SPATS2: variants seen among roughly 807,000 people sequenced by gnomAD.
The protein encoded by SPATS2 is spermatogenesis-associated serine-rich protein 2.
A neutral mutation model predicts 63.7 loss-of-function variants in SPATS2; 38 were observed. The ratio of observed to expected loss-of-function variants is 0.60; its 90% CI spans 0.46 to 0.78. SPATS2 has a LOEUF of 0.78. Ranked by LOEUF, SPATS2 falls within the 30% of genes least tolerant of loss-of-function variation. The pLI is 0.00. For synonymous variants in SPATS2, 207 were observed against 232.9 expected (o/e 0.89, Z 1.01); for missense variants, 588 against 666.2 (o/e 0.88, Z 1.29).
In SPATS2 at chr12:49,461,050, G is replaced by A. The variant is rs760805188; in HGVS notation, c.25+13G>A. 8.1e-6 allele frequency: 13 copies of A among 1,613,452 alleles called. No individual in the cohort carries two copies. Among genetic ancestry groups the A allele is most frequent in the Non-Finnish European group, 1.1e-5 (13 of 1,179,758 alleles). On this transcript the variant is annotated intron_variant, in intron 3 of 13. Coordinates refer to ENST00000552918, the MANE Select transcript of SPATS2 (RefSeq NM_023071.4). ...CAGAACCAGAAGGGTAAGATTACAT[G>A]TGGGCATAAATTGTTAAAAGCATAG...
At chr12:49,384,670 A>G (rs1944280138) in intron 2 of SPATS2, among the ~76,000 whole-genome samples, 2 of 152,236 alleles carry the variant, frequency 1.3e-5, no homozygotes, top group South Asian at 4.1e-4. Flanking sequence ...TTGTAAATGT[A>G]TGTTTCAAAT....
intron 2 of SPATS2, among the ~76,000 whole-genome samples, chr12:49,373,039 C>T (rs1170774051): frequency 6.6e-6 from 1 of 151,322 alleles, no homozygotes; most frequent in Non-Finnish European, 1.5e-5. Context: ...ATGGCGTGAT[C>T]TCAGCTCACC....
intron 2 of SPATS2, among the ~76,000 whole-genome samples, chr12:49,414,262 A>G (rs1418391497): frequency 6.6e-6 from 1 of 152,136 alleles, no homozygotes; most frequent in African/African-American, 2.4e-5. Context: ...TTGCACATTG[A>G]TAGAACATGT....
At chr12:49,435,621 C>T (rs1237967593) in intron 2 of SPATS2, among the ~76,000 whole-genome samples, 3 of 149,568 alleles carry the variant, frequency 2.0e-5, no homozygotes, top group East Asian at 1.9e-4. Context: ...CCACCGTGCC[C>T]GGCTACTGAA....
intron 2 of SPATS2, among the ~76,000 whole-genome samples, chr12:49,448,146 T>C (rs1945549108): frequency 1.3e-5 from 2 of 150,626 alleles, no homozygotes; most frequent in Non-Finnish European, 1.5e-5. Flanking sequence ...CTTTCTTTTT[T>C]TTTTTTTTTT....
chr12:49,435,091 C>T (rs1384080050), intron 2 of SPATS2, among the ~76,000 whole-genome samples: 6 of 131,394 alleles, frequency 4.6e-5, no homozygotes, highest in East Asian at 2.3e-4. Context: ...AGTGCAGTGG[C>T]GCAATCTCAG....
At chr12:49,418,828 A>G (rs1054045444) in intron 2 of SPATS2, among the ~76,000 whole-genome samples, 2 of 152,208 alleles carry the variant, frequency 1.3e-5, no homozygotes, top group African/African-American at 4.8e-5. Context: ...TTGTAGTGCT[A>G]TAAGAACCAT....
At chr12:49,479,429 A>G (rs941822956) in intron 3 of SPATS2, among the ~76,000 whole-genome samples, 3 of 152,228 alleles carry the variant, frequency 2.0e-5, no homozygotes, top group Admixed American at 6.5e-5. Context: ...AAGCAGGAGC[A>G]GGCACTTCCT....
chr12:49,467,044 GTT>G (rs59350335), intron 3 of SPATS2, among the ~76,000 whole-genome samples: 4,283 of 75,696 alleles, frequency 0.057, 120 homozygotes, highest in Middle Eastern at 0.17. Flanking sequence ...TTTGTTCTTT[GTT>G]TTTTTTTTTT....
At chr12:49,379,724 G>T (rs1368143118) in intron 2 of SPATS2, among the ~76,000 whole-genome samples, 1 of 148,538 alleles carries the variant, frequency 6.7e-6, no homozygotes, top group Admixed American at 6.7e-5. Flanking sequence ...CTGGGTTCAA[G>T]TGATTCTCCT....
intron 3 of SPATS2, among the ~76,000 whole-genome samples, chr12:49,481,485 G>A (rs1431177514): frequency 5.3e-5 from 2 of 37,868 alleles, no homozygotes; most frequent in Admixed American, 6.3e-4. Flanking sequence ...TTTTTTTTTT[G>A]GAGATGGAGT....
At chr12:49,393,492 A>G (rs977369836) in intron 2 of SPATS2, among the ~76,000 whole-genome samples, 2 of 152,170 alleles carry the variant, frequency 1.3e-5, no homozygotes, top group Non-Finnish European at 2.9e-5. Context: ...ACTTTGAAAT[A>G]TGGTTTGTAC....
intron 2 of SPATS2, among the ~76,000 whole-genome samples, chr12:49,380,719 A>G (rs928886965): frequency 2.0e-5 from 3 of 151,198 alleles, no homozygotes; most frequent in Non-Finnish European, 4.4e-5. Flanking sequence ...AAAAAAATAT[A>G]TATATATATT....
chr12:49,505,652 A>G (rs1009648018), intron 9 of SPATS2, among the ~76,000 whole-genome samples: 34 of 152,192 alleles, frequency 2.2e-4, no homozygotes, highest in African/African-American at 8.0e-4. Flanking sequence ...AGAATATTTT[A>G]CTGAACATGT....
intron 3 of SPATS2, among the ~76,000 whole-genome samples, chr12:49,467,898 T>A (rs534813731): frequency 1.3e-5 from 2 of 151,908 alleles, no homozygotes; most frequent in African/African-American, 4.8e-5. Context: ...CACGCCCGGC[T>A]AATTTTTTGT....
intron 9 of SPATS2, among the ~76,000 whole-genome samples, chr12:49,501,915 A>T (rs997537447): frequency 1.3e-5 from 2 of 152,102 alleles, no homozygotes; most frequent in African/African-American, 2.4e-5. Flanking sequence ...CACCGTGCCC[A>T]GCTGGTGTTA....
chr12:49,492,459 T>A (rs1366094261), intron 6 of SPATS2, among the ~76,000 whole-genome samples: 1 of 152,010 alleles, frequency 6.6e-6, no homozygotes, highest in African/African-American at 2.4e-5. Flanking sequence ...TGACCCCAAG[T>A]GATCTGCGCA....
chr12:49,425,187 G>A (rs937943163), intron 2 of SPATS2, among the ~76,000 whole-genome samples: 5 of 151,754 alleles, frequency 3.3e-5, no homozygotes. Context: ...CCTTTTTTTA[G>A]ATTTTTAATT....
intron 8 of SPATS2, among the ~76,000 whole-genome samples, chr12:49,498,148 AT>A (rs1565751656): frequency 0.011 from 1,400 of 128,998 alleles, 19 homozygotes; most frequent in African/African-American, 0.045. Context: ...AAAAAAAAAT[AT>A]ATATATATAT....
Sources: allele counts gnomAD v4.1 joint callset (sites outside exome capture counted in the v4.1 genomes callset), GRCh38; gene constraint gnomAD v4.1.1; transcripts MANE v1.5; gene names NCBI Gene and HGNC (gene_info 2026-07-23, HGNC 2026-07-21).